The following BAZ2B variants were observed in gnomAD, a reference collection of about 807,000 sequenced individuals.
BAZ2B encodes bromodomain adjacent to zinc finger domain protein 2B.
In BAZ2B, 91 loss-of-function variants were observed where a neutral mutation model predicts 246.0. The ratio of observed to expected loss-of-function variants is 0.37; its 90% CI spans 0.31 to 0.44. The LOEUF (loss-of-function observed/expected upper bound fraction) is 0.44, where lower values mean the gene tolerates loss of function less well. BAZ2B is among the 20% of genes least tolerant of loss of function. The pLI, the probability that BAZ2B is intolerant of heterozygous loss-of-function variation, is 1.00. For missense variants in BAZ2B, 2,332 were observed against 2,533.7 expected, an observed-to-expected ratio of 0.92 and a Z score of 1.71; for synonymous variants, 855 against 860.0, an observed-to-expected ratio of 0.99 and a Z score of 0.10.
the BAZ2B span, among the ~76,000 whole-genome samples, chr2:159,651,478 T>C: frequency 1.3e-5 from 2 of 152,196 alleles, no homozygotes; most frequent in African/African-American, 4.8e-5. Context: ...TTGGCAGTAG[T>C]GTAGGTTTTC....
At chr2:159,413,701 T>A (rs989268623) in intron 13 of BAZ2B, among the ~76,000 whole-genome samples, 1 of 150,470 alleles carries the variant, frequency 6.6e-6, no homozygotes, top group Non-Finnish European at 1.5e-5. Context: ...AGAGCGAGAC[T>A]TCATCTCTAA....
At chr2:159,530,373 A>C (rs1207406307) in intron 2 of BAZ2B, among the ~76,000 whole-genome samples, 1 of 152,228 alleles carries the variant, frequency 6.6e-6, no homozygotes, top group Non-Finnish European at 1.5e-5. Context: ...TCTCATAGTG[A>C]CATATATTCC....
At chr2:159,628,048 A>G in the BAZ2B span, among the ~76,000 whole-genome samples, 1 of 152,226 alleles carries the variant, frequency 6.6e-6, no homozygotes, top group Non-Finnish European at 1.5e-5. Flanking sequence ...GAGCCAAATC[A>G]TGAGTGAACT....
chr2:159,699,390 A>G, the BAZ2B span, among the ~76,000 whole-genome samples: 1 of 152,138 alleles, frequency 6.6e-6, no homozygotes, highest in Non-Finnish European at 1.5e-5. Context: ...TAAAAAAATG[A>G]GCTGAGTGTG....
In BAZ2B at chr2:159,531,632, T is replaced by G. The variant is rs2085391510; in HGVS notation, c.-3+24191A>C. On this transcript the variant is annotated intron_variant, in intron 2 of 36. Transcript: ENST00000392783. The stretch of plus-strand genomic sequence containing the variant: ...CTGAGCTGCTAGCAAAACATCTATG[T>G]GCTCCAAAGCTGCCATTTTTCTTCC... Among the ~76,000 whole-genome samples the G allele has an allele frequency of 3.3e-5, 5 of 152,304 alleles. No individual in the cohort carries two copies. In the South Asian group the frequency reaches 1.0e-3, roughly 32 times the overall value.
chr2:159,474,732 G>A (rs147590233), intron 3 of BAZ2B, among the ~76,000 whole-genome samples: 2,054 of 152,296 alleles, frequency 0.013, 42 homozygotes, highest in African/African-American at 0.047. Flanking sequence ...TCCTTCAGGA[G>A]CTCTTGTAAG....
intron 1 of BAZ2B, among the ~76,000 whole-genome samples, chr2:159,595,989 G>A (rs72960293): frequency 0.093 from 9,644 of 103,272 alleles, 383 homozygotes; most frequent in Non-Finnish European, 0.12. Context: ...TGCTTGATTC[G>A]TGAATTTTCT....
At chr2:159,623,574 G>A in the BAZ2B span, among the ~76,000 whole-genome samples, 1 of 152,114 alleles carries the variant, frequency 6.6e-6, no homozygotes, top group Admixed American at 6.5e-5. Flanking sequence ...TAGTGAATGA[G>A]GCTCCTATAG....
At chr2:159,487,303 G>A (rs1238705611) in intron 2 of BAZ2B, among the ~76,000 whole-genome samples, 1 of 152,122 alleles carries the variant, frequency 6.6e-6, no homozygotes, top group Non-Finnish European at 1.5e-5. Flanking sequence ...CTTGTGTCAA[G>A]GATCTTCTTT....
At chr2:159,480,464 T>A (rs1041653349) in intron 2 of BAZ2B, among the ~76,000 whole-genome samples, 1 of 152,026 alleles carries the variant, frequency 6.6e-6, no homozygotes. Context: ...GTAAGGAAAA[T>A]CAAGAAGGCA....
the BAZ2B span, among the ~76,000 whole-genome samples, chr2:159,681,480 C>T: frequency 6.7e-6 from 1 of 150,372 alleles, no homozygotes; most frequent in Non-Finnish European, 1.5e-5. Context: ...AAATCAACAT[C>T]TTAGACAAGA....
intron 2 of BAZ2B, among the ~76,000 whole-genome samples, chr2:159,491,643 C>T (rs1014870949): frequency 4.6e-4 from 63 of 137,454 alleles, no homozygotes; most frequent in Admixed American, 1.1e-3. Context: ...ATGGCGTGAA[C>T]CCGGGAGGCG....
intron 1 of BAZ2B, among the ~76,000 whole-genome samples, chr2:159,591,601 GGA>G: frequency 6.6e-6 from 1 of 151,852 alleles, no homozygotes; most frequent in Non-Finnish European, 1.5e-5. Flanking sequence ...ATACTCAAAG[GGA>G]GGACCTTGCC....
intron 20 of BAZ2B, among the ~76,000 whole-genome samples, chr2:159,392,708 C>T (rs562924910): frequency 1.3e-5 from 2 of 152,148 alleles, no homozygotes; most frequent in Non-Finnish European, 2.9e-5. Context: ...GTAATAGATA[C>T]ATGCGGTATG....
chr2:159,610,791 TATATA>T (rs1694559190), intron 1 of BAZ2B, among the ~76,000 whole-genome samples: 1 of 152,120 alleles, frequency 6.6e-6, no homozygotes, highest in Non-Finnish European at 1.5e-5. Context: ...ACTCTTACCT[TATATA>T]GTAAAAATTT....
intron 27 of BAZ2B, among the ~76,000 whole-genome samples, chr2:159,354,824 G>T (rs907344549): frequency 1.3e-5 from 2 of 152,162 alleles, no homozygotes; most frequent in Non-Finnish European, 2.9e-5. Context: ...GCAGAAGAAA[G>T]AAGAGGAAGG....
intron 3 of BAZ2B, among the ~76,000 whole-genome samples, chr2:159,470,197 A>T (rs2077605725): frequency 6.6e-6 from 1 of 152,226 alleles, no homozygotes; most frequent in Non-Finnish European, 1.5e-5. Context: ...AAAGCCATAT[A>T]ATCATTTCAA....
At chr2:159,642,885 T>C in the BAZ2B span, among the ~76,000 whole-genome samples, 1 of 152,200 alleles carries the variant, frequency 6.6e-6, no homozygotes, top group African/African-American at 2.4e-5. Context: ...GTTTTCAATA[T>C]TATCGAGTAT....
chr2:159,579,715 C>T (rs550130481), intron 1 of BAZ2B, among the ~76,000 whole-genome samples: 1 of 152,032 alleles, frequency 6.6e-6, no homozygotes, highest in Non-Finnish European at 1.5e-5. Flanking sequence ...AAAAGCTTAT[C>T]CAACACGATC....
Sources: allele counts gnomAD v4.1 joint callset (sites outside exome capture counted in the v4.1 genomes callset), GRCh38; gene constraint gnomAD v4.1.1; transcripts MANE v1.5; gene names NCBI Gene and HGNC (gene_info 2026-07-23, HGNC 2026-07-21).